The following NRXN3 variants were observed in gnomAD, a reference collection of about 807,000 sequenced individuals.
The protein encoded by NRXN3 is neurexin 3, also known as neurexin III.
In NRXN3, 32 loss-of-function variants were observed where a neutral mutation model predicts 137.6. The ratio of observed to expected loss-of-function variants is 0.23; its 90% confidence interval spans 0.18 to 0.31. The LOEUF (loss-of-function observed/expected upper bound fraction) is 0.31. Ranked by LOEUF, NRXN3 falls within the 10% of genes least tolerant of loss-of-function variation. The probability of loss-of-function intolerance (pLI) is 1.00; values close to 1 mark genes in which losing one functional copy is unlikely to be tolerated. For missense variants in NRXN3, 1,574 were observed against 2,062.5 expected, an observed-to-expected ratio of 0.76 and a Z score of 4.59; for synonymous variants, 798 against 784.5, an observed-to-expected ratio of 1.02 and a Z score of -0.29.
intron 4 of NRXN3, among the ~76,000 whole-genome samples, chr14:78,302,328 A>G (rs527293261): frequency 6.6e-6 from 1 of 152,308 alleles, no homozygotes; most frequent in African/African-American, 2.4e-5. Context: ...TGCACCAGCC[A>G]TTGTGCTATA....
chr14:78,721,481 T>C (rs896358634), intron 8 of NRXN3, among the ~76,000 whole-genome samples: 1 of 152,082 alleles, frequency 6.6e-6, no homozygotes, highest in Non-Finnish European at 1.5e-5. Context: ...CTTTCTCTTA[T>C]CCCAAGGAGA....
chr14:78,634,050 TG>T (rs755060593), intron 4 of NRXN3, among the ~76,000 whole-genome samples: 1 of 152,314 alleles, frequency 6.6e-6, no homozygotes, highest in East Asian at 1.9e-4. Context: ...TATTCTGCTG[TG>T]GAAAGGAAAA....
intron 4 of NRXN3, among the ~76,000 whole-genome samples, chr14:78,455,686 G>C (rs1409618385): frequency 1.3e-5 from 2 of 152,126 alleles, no homozygotes; most frequent in African/African-American, 2.4e-5. Context: ...AAGTCGATTA[G>C]TACTGCTGCC....
intron 16 of NRXN3, among the ~76,000 whole-genome samples, chr14:79,496,768 A>G (rs2096771558): frequency 6.6e-6 from 1 of 152,206 alleles, no homozygotes; most frequent in African/African-American, 2.4e-5. Context: ...GATTAGTTCA[A>G]CTAACACTTC....
intron 4 of NRXN3, among the ~76,000 whole-genome samples, chr14:78,565,070 C>T (rs1295414542): frequency 6.6e-6 from 1 of 152,198 alleles, no homozygotes; most frequent in Non-Finnish European, 1.5e-5. Flanking sequence ...TTATAAGCAC[C>T]TGATAGGGAT....
At chr14:78,509,536 C>T (rs35810359) in intron 4 of NRXN3, among the ~76,000 whole-genome samples, 63,424 of 151,798 alleles carry the variant, frequency 0.42, 13,437 homozygotes, top group East Asian at 0.51. Context: ...GGCCCTTCAC[C>T]GCCTGTTAGG....
chr14:79,802,559 G>A (rs1322052558), intron 19 of NRXN3, among the ~76,000 whole-genome samples: 1 of 152,112 alleles, frequency 6.6e-6, no homozygotes, highest in East Asian at 1.9e-4. Context: ...CCTGCCTTTG[G>A]TGGGAGACAT....
intron 15 of NRXN3, among the ~76,000 whole-genome samples, chr14:79,150,188 T>C (rs1275230296): frequency 2.0e-5 from 3 of 152,098 alleles, no homozygotes; most frequent in African/African-American, 7.2e-5. Context: ...TGGACACTTC[T>C]GAATTCACTC....
chr14:79,303,183 C>T (rs1022473473), intron 15 of NRXN3, among the ~76,000 whole-genome samples: 2 of 152,012 alleles, frequency 1.3e-5, no homozygotes, highest in African/African-American at 4.8e-5. Flanking sequence ...ATGCCCTTTA[C>T]AAGCAGTATA....
intron 2 of NRXN3, among the ~76,000 whole-genome samples, chr14:78,248,216 C>G (rs759967314): frequency 6.8e-6 from 1 of 147,680 alleles, no homozygotes; most frequent in South Asian, 2.2e-4. Flanking sequence ...AGTGAAGTGT[C>G]GTGGTGGGTG....
chr14:79,465,578 C>A (rs1320769037), intron 15 of NRXN3, among the ~76,000 whole-genome samples: 1 of 152,180 alleles, frequency 6.6e-6, no homozygotes, highest in Admixed American at 6.5e-5. Flanking sequence ...ATTCTAGTCT[C>A]ACAAGAGTTA....
intron 6 of NRXN3, among the ~76,000 whole-genome samples, chr14:78,668,838 G>A (rs894409060): frequency 1.3e-5 from 2 of 152,122 alleles, no homozygotes; most frequent in Non-Finnish European, 2.9e-5. Flanking sequence ...AATTGAATTG[G>A]CCCCAGAGGG....
chr14:79,598,767 C>T (rs933522209), intron 16 of NRXN3, among the ~76,000 whole-genome samples: 7 of 152,252 alleles, frequency 4.6e-5, no homozygotes, highest in Admixed American at 1.3e-4. Context: ...AGAGACAGAA[C>T]ACATCTCTTG....
chr14:78,366,801 A>G (rs1171725497), intron 4 of NRXN3, among the ~76,000 whole-genome samples: 1 of 152,262 alleles, frequency 6.6e-6, no homozygotes, highest in Non-Finnish European at 1.5e-5. Context: ...GGTTCCTCCC[A>G]TAACAGGTGG....
At chr14:79,393,580 C>T (rs540340866) in intron 15 of NRXN3, among the ~76,000 whole-genome samples, 10 of 152,168 alleles carry the variant, frequency 6.6e-5, no homozygotes, top group East Asian at 1.9e-4. Context: ...TTTGGGAGGC[C>T]GAGGCGGGCG....
chr14:78,998,251 CT>C (rs1253780965), intron 15 of NRXN3, among the ~76,000 whole-genome samples: 1 of 152,114 alleles, frequency 6.6e-6, no homozygotes, highest in Non-Finnish European at 1.5e-5. Flanking sequence ...CCAACCTATT[CT>C]TTTTTACCTG....
intron 10 of NRXN3, among the ~76,000 whole-genome samples, chr14:78,908,811 A>G (rs1045739779): frequency 1.2e-4 from 19 of 152,144 alleles, no homozygotes; most frequent in African/African-American, 4.6e-4. Context: ...TGGTGAGATC[A>G]TTGATTCTTT....
intron 1 of NRXN3, among the ~76,000 whole-genome samples, chr14:78,197,397 G>C (rs955482719): frequency 6.6e-6 from 1 of 152,216 alleles, no homozygotes; most frequent in African/African-American, 2.4e-5. Flanking sequence ...AAAGGTTGCA[G>C]GTGGGCCATG....
chr14:78,570,155 A>G (rs2096876304), intron 4 of NRXN3, among the ~76,000 whole-genome samples: 1 of 152,226 alleles, frequency 6.6e-6, no homozygotes. Context: ...ATTAGGAGAT[A>G]GAGCCTTTGG....
Sources: gnomAD v4.1 joint callset for allele counts (sites outside exome capture counted in the v4.1 genomes callset) on GRCh38, gnomAD v4.1.1 for gene constraint, MANE v1.5 for transcripts, NCBI Gene and HGNC (gene_info 2026-07-23, HGNC 2026-07-21) for gene names.